HEPACAM: variants seen among roughly 807,000 people sequenced by gnomAD.
The protein encoded by HEPACAM is hepatocyte cell adhesion molecule.
A neutral mutation model predicts 38.3 loss-of-function variants in HEPACAM; 18 were observed. The ratio of observed to expected loss-of-function variants is 0.47; its 90% CI spans 0.33 to 0.70. The LOEUF (loss-of-function observed/expected upper bound fraction) is 0.70. HEPACAM is among the 30% of genes least tolerant of loss of function. The probability of loss-of-function intolerance (pLI) is 0.03; values close to 1 mark genes in which losing one functional copy is unlikely to be tolerated. For synonymous variants in HEPACAM, 216 were observed against 243.1 expected (o/e 0.89, Z 1.04); for missense variants, 466 against 563.0 (o/e 0.83, Z 1.74).
In HEPACAM at chr11:124,919,484, G is replaced by A. The variant is rs2135392732; in HGVS notation, c.*1654C>T. Reference sequence around the variant, plus strand: ...CTAACCTTCACCTGTGCATCTCAAGGCTGACCAGCAGGTACTCCTTATCCA... The same window carrying A: ...CTAACCTTCACCTGTGCATCTCAAGACTGACCAGCAGGTACTCCTTATCCA... On this transcript the variant is annotated 3_prime_UTR_variant, in exon 7 of 7. Transcript: ENST00000298251. 1.9e-6 allele frequency: 1 copy of A among 512,886 alleles called. No homozygotes were observed. Among genetic ancestry groups the A allele is most frequent in the Non-Finnish European group, 3.5e-6 (1 of 285,316 alleles). 31.8% of individuals were successfully genotyped at this position (512,886 alleles called of 1,614,324 possible).
At chr11:124,935,811 C>T in intron 1 of HEPACAM, 111 bp downstream of exon 1, 1 of 848,122 alleles carries the variant, frequency 1.2e-6, no homozygotes. Context: ...GGCAGCTGAA[C>T]TCTCCCCCAC....
At chr11:124,927,860 C>T (rs183039947) in intron 1 of HEPACAM, among the ~76,000 whole-genome samples, 126 of 152,142 alleles carry the variant, frequency 8.3e-4, no homozygotes, top group Middle Eastern at 3.4e-3. Context: ...CACTGCACTC[C>T]AGGCTGGGTG....
Position 124,936,001 on chromosome 11 carries a change from C to T in HEPACAM, c.6G>A (p.Lys2=). Residue 2 remains lysine (K), a synonymous_variant, in exon 1 of 7, where the codon AAG becomes AAA. Coordinates refer to ENST00000298251, the MANE Select transcript of HEPACAM (RefSeq NM_152722.5). ...CTCTGGACAGGGCTCCCCTTTCTCT[C>T]TTCATTTTGGGTGGCGTTCTCCAGC... The part of the protein sequence containing the change: M[K]RERGALSRAS... The T allele has an allele frequency of 2.5e-6, 4 of 1,613,952 alleles. No homozygotes were observed. The highest frequency in any genetic ancestry group is 3.4e-6 in the Non-Finnish European group (4 of 1,179,944).
At position 124,920,149 on chromosome 11, in the gene HEPACAM, C is replaced by A. The variant is rs886047920; in HGVS notation, c.*989G>T. 1.6e-4 allele frequency: 173 copies of A among 1,058,408 alleles called. No homozygotes were observed. The African/African-American group carries it at 2.1e-3, about 13-fold the overall frequency. 65.6% of individuals were successfully genotyped at this position (1,058,408 alleles called of 1,614,324 possible). On this transcript the variant is annotated 3_prime_UTR_variant, in exon 7 of 7. Transcript: ENST00000298251. ...GAAGCAATAAGCCTCCTCCTCCCCCCACCATTTCTCTGGAGATTAGGACTT... is the reference window on the plus strand; with the variant it reads ...GAAGCAATAAGCCTCCTCCTCCCCCAACCATTTCTCTGGAGATTAGGACTT...
Position 124,924,749 on chromosome 11 carries a change from T to A in HEPACAM, c.406A>T (p.Thr136Ser). Residue 136 changes from threonine (T) to serine (S), a missense_variant, in exon 2 of 7, where the codon ACC (threonine) becomes TCC (serine). Coordinates refer to ENST00000298251, the MANE Select transcript of HEPACAM (RefSeq NM_152722.5). This position sits in a 1 kb window ranked among gnomAD's most constrained non-coding sequence, Gnocchi z 4.4. ...TTACCATCTACAGTAAGGTTGATGGTCTTCTCCCCAGTGAAGGTGTCGTCG... is the reference window on the plus strand; with the variant it reads ...TTACCATCTACAGTAAGGTTGATGGACTTCTCCCCAGTGAAGGTGTCGTCG... ...ITDDTFTGEK[T>S]INLTVDVPIS... The A allele has an allele frequency of 1.9e-6, 3 of 1,614,096 alleles. No homozygotes were observed. The highest frequency in any genetic ancestry group is 2.5e-6 in the Non-Finnish European group (3 of 1,179,968).
intron 3 of HEPACAM, 51 bp from the exon 4 acceptor site, chr11:124,923,484 T>G (rs1253237205): frequency 5.2e-6 from 7 of 1,345,174 alleles, no homozygotes; most frequent in Admixed American, 1.7e-5. Flanking sequence ...AGGGGCAAGA[T>G]GTGGTGAGCA....
rs907530090 is a variant in HEPACAM, at chr11:124,920,151, C to T, written c.*987G>A. ...AGCAATAAGCCTCCTCCTCCCCCCA[C>T]CATTTCTCTGGAGATTAGGACTTAT... On this transcript the variant is annotated 3_prime_UTR_variant, in exon 7 of 7. Transcript: ENST00000298251. 2 of 1,053,522 alleles carry T rather than the reference C, an allele frequency of 1.9e-6. No individual in the cohort carries two copies. The highest frequency in any genetic ancestry group is 1.4e-6 in the Non-Finnish European group (1 of 719,982). 65.3% of individuals were successfully genotyped at this position (1,053,522 alleles called of 1,614,324 possible). A position where few individuals can be genotyped will look rare whatever the true frequency, so the allele number is the denominator to read the frequency against.
In HEPACAM at chr11:124,928,032, T is replaced by A. The variant is rs1040096393; in HGVS notation, c.86-2963A>T. Among the ~76,000 whole-genome samples the A allele has an allele frequency of 7.2e-5, 11 of 152,308 alleles. No homozygotes were observed. The South Asian group carries it at 2.3e-3, about 32-fold the overall frequency. On this transcript the variant is annotated intron_variant, in intron 1 of 6. Transcript: ENST00000298251. ...CAAGTAAAATGAACAACATAAACTA[T>A]TTTCAGACTTTTAAAAATTAATGAT...
At position 124,924,128 on chromosome 11, in the gene HEPACAM, G is replaced by T; in HGVS notation, c.428-118C>A. ...CACTACCTTCCAACTCAATCTGTGG[G>T]CTGAGAAGACTTCAGACATCCTAAG... is the stretch of plus-strand genomic sequence containing the variant. On this transcript the variant is annotated intron_variant, in intron 2 of 6. Coordinates refer to ENST00000298251, the MANE Select transcript of HEPACAM (RefSeq NM_152722.5). This position sits in a 1 kb window ranked among gnomAD's most constrained non-coding sequence, Gnocchi z 4.4. 3.0e-6 allele frequency: 3 copies of T among 989,866 alleles called. No homozygotes were observed. Among genetic ancestry groups the T allele is most frequent in the Non-Finnish European group, 3.1e-6 (2 of 653,012 alleles). 61.3% of individuals were successfully genotyped at this position (989,866 alleles called of 1,614,324 possible). A position where few individuals can be genotyped will look rare whatever the true frequency, so the allele number is the denominator to read the frequency against.
rs1390264154 is a variant in HEPACAM at position 124,919,834 on chromosome 11, C to T, written c.*1304G>A. On this transcript the variant is annotated 3_prime_UTR_variant, in exon 7 of 7. Transcript: ENST00000298251. ...TTAGGAGACTAGGGATGCAAGGACCCTTGGAGGCATTAAGGAGGAGGGAAT... is the reference window on the plus strand; with the variant it reads ...TTAGGAGACTAGGGATGCAAGGACCTTTGGAGGCATTAAGGAGGAGGGAAT... 3 of 1,614,000 alleles carry T rather than the reference C, an allele frequency of 1.9e-6. No homozygotes were observed. Among genetic ancestry groups the T allele is most frequent in the South Asian group, 2.2e-5 (2 of 91,080 alleles).
At position 124,919,760 on chromosome 11, in the gene HEPACAM, T is replaced by G. The variant is rs375152348; in HGVS notation, c.*1378A>C. 6.2e-7 allele frequency: 1 copy of G among 1,613,774 alleles called. No individual in the cohort carries two copies. Among genetic ancestry groups the G allele is most frequent in the Admixed American group, 1.7e-5 (1 of 60,008 alleles). Reference sequence around the variant, plus strand: ...ACCTGGTGTGGAGGTGATGGGTAACTGGGGCCTTGGAATTGCTCCATGGGT... The same window carrying G: ...ACCTGGTGTGGAGGTGATGGGTAACGGGGGCCTTGGAATTGCTCCATGGGT... On this transcript the variant is annotated 3_prime_UTR_variant, in exon 7 of 7. Transcript: ENST00000298251.
chr11:124,920,031 C>T lies in HEPACAM; in HGVS notation c.*1107G>A. 1 of 1,607,696 alleles carries T rather than the reference C, an allele frequency of 6.2e-7. No individual in the cohort carries two copies. Among genetic ancestry groups the T allele is most frequent in the Non-Finnish European group, 8.5e-7 (1 of 1,176,720 alleles). On this transcript the variant is annotated 3_prime_UTR_variant, in exon 7 of 7. Transcript: ENST00000298251. ...ATGTTAGTGTGATTAGGGAGTCTGC[C>T]CTTTTTCTGTGCCCTGGGACCTGAG... is the stretch of plus-strand genomic sequence containing the variant.
At chr11:124,929,463 A>G (rs1489783145) in intron 1 of HEPACAM, among the ~76,000 whole-genome samples, 1 of 152,214 alleles carries the variant, frequency 6.6e-6, no homozygotes, top group African/African-American at 2.4e-5. Flanking sequence ...GGGTTCCACA[A>G]CTTTCAAGGG....
Position 124,923,966 on chromosome 11 carries a change from GCA to G in HEPACAM, c.470_471del (p.Val157AlafsTer14). 6.2e-7 allele frequency: 1 copy of G among 1,611,642 alleles called. No homozygotes were observed. The highest frequency in any genetic ancestry group is 8.5e-7 in the Non-Finnish European group (1 of 1,179,924). ...AAGGTGAAGGCCTCGCTGAGCTCCAGCACAGTGGTTGAAGCCACCAACACCTG... is the reference window on the plus strand; with the variant it reads ...AAGGTGAAGGCCTCGCTGAGCTCCAGCAGTGGTTGAAGCCACCAACACCTG... ...RPQVLVASTT[V>X]LELSEAFTLN... On this transcript the variant is annotated frameshift_variant, in exon 3 of 7. Transcript: ENST00000298251. LOFTEE classifies it high-confidence loss of function.
At chr11:124,926,674 C>A (rs777155189) in intron 1 of HEPACAM, among the ~76,000 whole-genome samples, 1 of 152,070 alleles carries the variant, frequency 6.6e-6, no homozygotes, top group Non-Finnish European at 1.5e-5. Flanking sequence ...CACCCCTTGC[C>A]GCTTCCTTTG....
intron 1 of HEPACAM, among the ~76,000 whole-genome samples, chr11:124,929,104 C>T (rs887845399): frequency 6.6e-6 from 1 of 152,174 alleles, no homozygotes; most frequent in Non-Finnish European, 1.5e-5. Context: ...CTTCTGTGGC[C>T]TCCTGGAGCT....
intron 4 of HEPACAM, 55 bp from the exon 5 acceptor site, chr11:124,922,873 T>C: frequency 6.4e-7 from 1 of 1,572,810 alleles, no homozygotes; most frequent in Non-Finnish European, 8.8e-7. Context: ...GAGTAGAAGA[T>C]CCAGTGGGGA....
chr11:124,923,667 C>T, intron 3 of HEPACAM, 62 bp downstream of exon 3: 1 of 1,594,530 alleles, frequency 6.3e-7, no homozygotes, highest in African/African-American at 1.3e-5. Flanking sequence ...GTCCTCAGTC[C>T]CTCATGGTCA....
rs770477104 is a variant in HEPACAM at position 124,921,191 on chromosome 11, C to T, written c.1198G>A (p.Val400Met). Residue 400 changes from valine (V) to methionine (M), a missense_variant, in exon 7 of 7, where the codon GTG (valine) becomes ATG (methionine). By Grantham distance (21) the Val-to-Met change is conservative (BLOSUM62 1). Coordinates refer to ENST00000298251, the MANE Select transcript of HEPACAM (RefSeq NM_152722.5). The surrounding 1 kb of genome is among the most constrained non-coding windows in gnomAD (Gnocchi z 4.6). ...SASRTLRTAG[V>M]HIIREQDEAG... Reference sequence around the variant, plus strand: ...TCGTCTTGCTCGCGGATTATGTGCACGCCCGCAGTCCGCAGTGTGCGCGAG... The same window carrying T: ...TCGTCTTGCTCGCGGATTATGTGCATGCCCGCAGTCCGCAGTGTGCGCGAG... The T allele has an allele frequency of 2.5e-4, 375 of 1,519,936 alleles. No individual in the cohort carries two copies. The highest frequency in any genetic ancestry group is 9.2e-4 in the Middle Eastern group (4 of 4,348). The allele number at this position is 1,519,936 out of a possible 1,614,324, so 94.2% of individuals were successfully genotyped here.
Sources: allele counts gnomAD v4.1 joint callset (sites outside exome capture counted in the v4.1 genomes callset), GRCh38; gene constraint gnomAD v4.1.1; non-coding constraint Gnocchi (gnomAD v3.1); transcripts MANE v1.5; gene names NCBI Gene and HGNC (gene_info 2026-07-23, HGNC 2026-07-21).